FBXL7: variants seen among roughly 807,000 people sequenced by gnomAD.
FBXL7 encodes the protein F-box and leucine rich repeat protein 7.
FBXL7 carries 12 observed loss-of-function variants against 38.3 expected under a neutral mutation model. That is an observed-to-expected ratio of 0.31 (90% CI 0.20 to 0.51). FBXL7 has a LOEUF of 0.51. Among genes scored for constraint, FBXL7 ranks in the 20% least tolerant of loss-of-function variants. The probability of loss-of-function intolerance (pLI) is 0.98; values close to 1 mark genes in which losing one functional copy is unlikely to be tolerated. For missense variants in FBXL7, 567 were observed against 676.4 expected (o/e 0.84, Z 1.79); for synonymous variants, 297 against 300.9 (o/e 0.99, Z 0.13).
intron 2 of FBXL7, among the ~76,000 whole-genome samples, chr5:15,835,655 A>T (rs531154544): frequency 5.3e-5 from 8 of 152,174 alleles, no homozygotes; most frequent in Admixed American, 3.9e-4. Flanking sequence ...AGTATAGAAC[A>T]TGAAGGCCAT....
rs2036331 is a variant in FBXL7, at chr5:15,754,184, C to G, written c.127+138112C>G. The stretch of plus-strand genomic sequence containing the variant: ...AGAATCACTGGATTGGATGATTTCT[C>G]TGACTACTTCTGGTATTAACATTGG... On this transcript the variant is annotated intron_variant, in intron 2 of 3. Transcript: ENST00000504595. 1.7e-3 allele frequency among the ~76,000 whole-genome samples: 264 copies of G among 152,298 alleles called. 2 individuals are homozygous for G. Among genetic ancestry groups the G allele is most frequent in the African/African-American group, 5.8e-3 (240 of 41,558 alleles).
chr5:15,687,600 T>C (rs191982950), intron 2 of FBXL7, among the ~76,000 whole-genome samples: 12 of 152,322 alleles, frequency 7.9e-5, no homozygotes, highest in Admixed American at 6.5e-4. Flanking sequence ...TCAACTGGTG[T>C]AGCACTGCCC....
At chr5:15,634,034 G>A (rs1042148855) in intron 2 of FBXL7, among the ~76,000 whole-genome samples, 1 of 151,894 alleles carries the variant, frequency 6.6e-6, no homozygotes, top group Non-Finnish European at 1.5e-5. Context: ...ACCTGCCTCA[G>A]CCTCCCAAAG....
intron 2 of FBXL7, among the ~76,000 whole-genome samples, chr5:15,669,411 G>A (rs551821405): frequency 6.6e-6 from 1 of 152,304 alleles, no homozygotes; most frequent in South Asian, 2.1e-4. Context: ...ACCCAACAGT[G>A]CATTTATCCC....
intron 1 of FBXL7, among the ~76,000 whole-genome samples, chr5:15,597,627 G>A (rs1426685223): frequency 1.3e-5 from 2 of 151,938 alleles, no homozygotes; most frequent in Non-Finnish European, 2.9e-5. Context: ...AGCAGAGAAA[G>A]ATTTTAATGT....
chr5:15,862,849 G>A lies in FBXL7; in HGVS notation c.128-65041G>A, dbSNP rs368006141. 2.2e-4 allele frequency among the ~76,000 whole-genome samples: 33 copies of A among 152,276 alleles called. No individual in the cohort carries two copies. In the South Asian group the frequency reaches 2.5e-3, roughly 11 times the overall value. On this transcript the variant is annotated intron_variant, in intron 2 of 3. Transcript: ENST00000504595. The stretch of plus-strand genomic sequence containing the variant: ...GAGAGTCCAGCTGGGGTGGAGCCTC[G>A]TCCTTACTGACGTGGAGGAAAGGGA...
chr5:15,523,197 T>TTATTA (rs1170127812), intron 1 of FBXL7, among the ~76,000 whole-genome samples: 2 of 152,106 alleles, frequency 1.3e-5, no homozygotes, highest in Non-Finnish European at 2.9e-5. Flanking sequence ...TTCACCGAGT[T>TTATTA]TATTAGAGTA....
chr5:15,651,058 A>G (rs1266044387), intron 2 of FBXL7, among the ~76,000 whole-genome samples: 5 of 149,958 alleles, frequency 3.3e-5, no homozygotes, highest in African/African-American at 7.4e-5. Context: ...AAATCACTCT[A>G]TGGCAGCTAC....
At chr5:15,773,150 T>C (rs1232396098) in intron 2 of FBXL7, among the ~76,000 whole-genome samples, 1 of 152,172 alleles carries the variant, frequency 6.6e-6, no homozygotes, top group Non-Finnish European at 1.5e-5. Context: ...CCTCCTGCCT[T>C]GGCGTCCCCA....
At chr5:15,742,661 T>C (rs1309141489) in intron 2 of FBXL7, among the ~76,000 whole-genome samples, 2 of 152,230 alleles carry the variant, frequency 1.3e-5, no homozygotes, top group Non-Finnish European at 2.9e-5. Context: ...GAGTTGGCTT[T>C]CCTAAACATT....
intron 2 of FBXL7, among the ~76,000 whole-genome samples, chr5:15,760,426 C>CA (rs74868826): frequency 0.038 from 3,388 of 90,120 alleles, 49 homozygotes; most frequent in Non-Finnish European, 0.059. Context: ...TTTGGAAAAG[C>CA]AAAAAAAAAA....
At chr5:15,788,139 T>A (rs1737179682) in intron 2 of FBXL7, among the ~76,000 whole-genome samples, 1 of 152,170 alleles carries the variant, frequency 6.6e-6, no homozygotes, top group Non-Finnish European at 1.5e-5. Context: ...CTCTTCTTCT[T>A]AGAACACCTT....
intron 2 of FBXL7, among the ~76,000 whole-genome samples, chr5:15,677,347 C>T (rs751641968): frequency 1.1e-4 from 16 of 152,144 alleles, no homozygotes; most frequent in South Asian, 2.1e-4. Flanking sequence ...TGTGCCTGTA[C>T]TCCCAGCTAC....
chr5:15,848,876 G>T (rs1035637802), intron 2 of FBXL7, among the ~76,000 whole-genome samples: 2 of 152,212 alleles, frequency 1.3e-5, no homozygotes, highest in African/African-American at 4.8e-5. Flanking sequence ...TTTTTCAGGA[G>T]CACTGAATTT....
intron 1 of FBXL7, among the ~76,000 whole-genome samples, chr5:15,524,103 C>T (rs984429031): frequency 6.6e-6 from 1 of 152,164 alleles, no homozygotes; most frequent in Non-Finnish European, 1.5e-5. Context: ...TAAAATGCCA[C>T]TAAATAACAA....
rs538136720 is a variant in FBXL7 at position 15,848,368 on chromosome 5, TATGC to T, written c.128-79511_128-79508del. ...AAGCTTAAACAGTTTTCCGAGTGTA[TATGC>T]ATGCATGCATTTTGTTTTTGTTTTT... On this transcript the variant is annotated intron_variant, in intron 2 of 3. Coordinates refer to ENST00000504595, the MANE Select transcript of FBXL7 (RefSeq NM_012304.5). Among the ~76,000 whole-genome samples, 168 of 152,210 alleles carry T rather than the reference TATGC, an allele frequency of 1.1e-3. 1 individual carries two copies. Among genetic ancestry groups the T allele is most frequent in the African/African-American group, 3.3e-3 (139 of 41,518 alleles).
intron 2 of FBXL7, among the ~76,000 whole-genome samples, chr5:15,921,662 C>A (rs1741745008): frequency 6.6e-6 from 1 of 152,062 alleles, no homozygotes; most frequent in Non-Finnish European, 1.5e-5. Flanking sequence ...AACATATAAT[C>A]CAATTTTAAA....
intron 1 of FBXL7, among the ~76,000 whole-genome samples, chr5:15,547,133 G>A (rs991659887): frequency 2.2e-4 from 33 of 152,204 alleles, no homozygotes; most frequent in African/African-American, 6.0e-4. Flanking sequence ...GAGGTTGCCC[G>A]AGGAGAGGTG....
intron 2 of FBXL7, among the ~76,000 whole-genome samples, chr5:15,885,147 C>T (rs1309021729): frequency 6.6e-6 from 1 of 152,208 alleles, no homozygotes; most frequent in Non-Finnish European, 1.5e-5. Flanking sequence ...ACCTCACTCA[C>T]GCAGTTGGTG....
Sources: allele counts gnomAD v4.1 joint callset (sites outside exome capture counted in the v4.1 genomes callset), GRCh38; gene constraint gnomAD v4.1.1; transcripts MANE v1.5; gene names NCBI Gene and HGNC (gene_info 2026-07-23, HGNC 2026-07-21).